The following SLC23A2 variants were observed in gnomAD, a reference collection of about 807,000 sequenced individuals.
The protein encoded by SLC23A2 is Na(+)/L-ascorbic acid transporter 2.
Under a neutral mutation model 73.3 loss-of-function variants are expected in SLC23A2, and 36 were observed. The observed-to-expected ratio is 0.49, with a 90% CI of 0.38 to 0.65. The LOEUF (loss-of-function observed/expected upper bound fraction) is 0.65. Ranked by LOEUF, SLC23A2 falls within the 30% of genes least tolerant of loss-of-function variation. SLC23A2 has a pLI of 0.00. For synonymous variants in SLC23A2, 343 were observed against 327.3 expected, an observed-to-expected ratio of 1.05 and a Z score of -0.52; for missense variants, 507 against 841.6, an observed-to-expected ratio of 0.60 and a Z score of 4.92.
intron 9 of SLC23A2, among the ~76,000 whole-genome samples, chr20:4,875,570 G>A (rs1291421246): frequency 6.6e-6 from 1 of 152,118 alleles, no homozygotes; most frequent in African/African-American, 2.4e-5. Context: ...TGAGCCTCAC[G>A]GTCCTGACTG....
At chr20:4,892,579 G>A (rs1931371797) in intron 6 of SLC23A2, among the ~76,000 whole-genome samples, 1 of 152,200 alleles carries the variant, frequency 6.6e-6, no homozygotes, top group Non-Finnish European at 1.5e-5. Context: ...CCTATAATCT[G>A]CCATTATGTG....
At chr20:5,002,034 C>G (rs2088135483), upstream of SLC23A2, among the ~76,000 whole-genome samples, 1 of 152,122 alleles carries the variant, frequency 6.6e-6, no homozygotes, top group South Asian at 2.1e-4. Context: ...GCTTTTCAGA[C>G]GTGAATTCTC....
At chr20:4,871,205 A>G (rs1179502157) in intron 11 of SLC23A2, among the ~76,000 whole-genome samples, 1 of 152,220 alleles carries the variant, frequency 6.6e-6, no homozygotes, top group Admixed American at 6.5e-5. Flanking sequence ...ATGGTCTCTC[A>G]TGCAGGAGCC....
intron 6 of SLC23A2, among the ~76,000 whole-genome samples, chr20:4,889,149 G>A (rs1256140470): frequency 6.6e-6 from 1 of 152,214 alleles, no homozygotes; most frequent in Non-Finnish European, 1.5e-5. Context: ...AAGGGGCCGT[G>A]ATGTGACGGT....
At chr20:4,927,164 G>A (rs967462518) in intron 3 of SLC23A2, among the ~76,000 whole-genome samples, 8 of 152,104 alleles carry the variant, frequency 5.3e-5, no homozygotes, top group East Asian at 1.9e-4. Context: ...TGCAACTAAC[G>A]AAGTGAATTT....
At chr20:4,970,512 C>T (rs533585923) in intron 2 of SLC23A2, among the ~76,000 whole-genome samples, 5 of 152,106 alleles carry the variant, frequency 3.3e-5, no homozygotes, top group African/African-American at 1.2e-4. Flanking sequence ...GCAGGAGGAT[C>T]GCTTGAGCCC....
At chr20:4,907,341 A>T (rs1214642523) in intron 4 of SLC23A2, among the ~76,000 whole-genome samples, 1 of 152,194 alleles carries the variant, frequency 6.6e-6, no homozygotes, top group African/African-American at 2.4e-5. Flanking sequence ...GGGCAGGCCC[A>T]CGATTAGATA....
At chr20:4,880,072 T>C (rs188999447) in intron 9 of SLC23A2, among the ~76,000 whole-genome samples, 2 of 152,308 alleles carry the variant, frequency 1.3e-5, no homozygotes, top group Admixed American at 1.3e-4. Context: ...AATACATCCA[T>C]CAGCTCAGGA....
intron 2 of SLC23A2, among the ~76,000 whole-genome samples, chr20:4,952,961 T>G (rs1229030841): frequency 6.6e-6 from 1 of 151,536 alleles, no homozygotes; most frequent in East Asian, 1.9e-4. Context: ...AGGCGAAGGT[T>G]GCAGGGAGCC....
chr20:4,955,506 A>G (rs576882271), intron 2 of SLC23A2, among the ~76,000 whole-genome samples: 24 of 152,122 alleles, frequency 1.6e-4, no homozygotes, highest in Non-Finnish European at 3.4e-4. Flanking sequence ...AGTACCGTAT[A>G]GGTTGGGTGC....
intron 1 of SLC23A2, among the ~76,000 whole-genome samples, chr20:4,997,542 C>G (rs915885725): frequency 1.3e-4 from 20 of 152,282 alleles, no homozygotes; most frequent in African/African-American, 4.8e-4. Context: ...AGCCCTACCC[C>G]CACAATGTGG....
At chr20:4,964,045 C>T (rs953293032) in intron 2 of SLC23A2, among the ~76,000 whole-genome samples, 3 of 148,694 alleles carry the variant, frequency 2.0e-5, no homozygotes, top group South Asian at 2.1e-4. Flanking sequence ...CTCACTCTGT[C>T]GCCGAAGCTG....
At chr20:4,914,401 A>G (rs1226652530) in intron 3 of SLC23A2, among the ~76,000 whole-genome samples, 1 of 151,874 alleles carries the variant, frequency 6.6e-6, no homozygotes, top group Non-Finnish European at 1.5e-5. Flanking sequence ...ATTTTATTTT[A>G]AAAAAAACAA....
chr20:4,919,020 C>A (rs1331722494), intron 3 of SLC23A2, among the ~76,000 whole-genome samples: 2 of 152,148 alleles, frequency 1.3e-5, no homozygotes, highest in Non-Finnish European at 2.9e-5. Context: ...GTTTCCCAGC[C>A]TTTACTGCAA....
In SLC23A2 at chr20:4,863,706, C is replaced by T. The variant is rs949636263; in HGVS notation, c.1357-799G>A. Among the ~76,000 whole-genome samples, 20 of 152,150 alleles carry T rather than the reference C, an allele frequency of 1.3e-4. No homozygotes were observed. The highest frequency in any genetic ancestry group is 4.8e-4 in the African/African-American group (20 of 41,422). On this transcript the variant is annotated intron_variant, in intron 13 of 16. Coordinates refer to ENST00000338244, the MANE Select transcript of SLC23A2 (RefSeq NM_005116.6). The surrounding 1 kb of genome is among the most constrained non-coding windows in gnomAD (Gnocchi z 4.8). ...TCTGGTACTCATGAAATAAAGCCCA[C>T]TTCTCAGGCTCTTTCCAAGCACACC...
chr20:4,910,355 T>A (rs1600123974), intron 4 of SLC23A2, among the ~76,000 whole-genome samples: 1 of 146,844 alleles, frequency 6.8e-6, no homozygotes, highest in East Asian at 2.1e-4. Flanking sequence ...TCAGCCTGGG[T>A]GACAGAGTGA....
chr20:4,975,515 G>A (rs1329008388), intron 1 of SLC23A2, among the ~76,000 whole-genome samples: 1 of 151,766 alleles, frequency 6.6e-6, no homozygotes, highest in Non-Finnish European at 1.5e-5. Flanking sequence ...CAAGTAGCTG[G>A]GATTACGTGC....
At position 4,916,738 on chromosome 20, in the gene SLC23A2, T is replaced by A. The variant is rs140920334; in HGVS notation, c.109-3760A>T. 2.4e-3 allele frequency among the ~76,000 whole-genome samples: 364 copies of A among 152,304 alleles called. 3 individuals carry two copies. Among genetic ancestry groups the A allele is most frequent in the African/African-American group, 8.6e-3 (356 of 41,564 alleles). On this transcript the variant is annotated intron_variant, in intron 3 of 16. Transcript: ENST00000338244. ...ACAGTGGTACAAAAGTGATATGTAT[T>A]CCGTAGAAACTGTCAAGTACCCATA...
rs138635634 is a variant in SLC23A2 at position 4,934,819 on chromosome 20, C to T, written c.-154-2103G>A. 9.7e-3 allele frequency among the ~76,000 whole-genome samples: 1,465 copies of T among 151,274 alleles called. 23 individuals are homozygous for T. The highest frequency in any genetic ancestry group is 0.034 in the African/African-American group (1,395 of 41,148). ...CGGACGTTGCAGTGAGCCAAGATTGCGCCATTGTACTCCAGCCTGGGCAAA... is the reference window on the plus strand; with the variant it reads ...CGGACGTTGCAGTGAGCCAAGATTGTGCCATTGTACTCCAGCCTGGGCAAA... On this transcript the variant is annotated intron_variant, in intron 2 of 16. Transcript: ENST00000338244.
Sources: gnomAD v4.1 joint callset for allele counts (sites outside exome capture counted in the v4.1 genomes callset) on GRCh38, gnomAD v4.1.1 for gene constraint, Gnocchi (gnomAD v3.1) non-coding constraint, MANE v1.5 for transcripts, NCBI Gene and HGNC (gene_info 2026-07-23, HGNC 2026-07-21) for gene names.